SLC6A17: variants seen among roughly 807,000 people sequenced by gnomAD.
SLC6A17 encodes solute carrier family 6 member 17.
Under a neutral mutation model 64.5 loss-of-function variants are expected in SLC6A17, and 21 were observed. That is an observed-to-expected ratio of 0.33 (90% confidence interval 0.23 to 0.47). The LOEUF is 0.47. SLC6A17 is among the 20% of genes least tolerant of loss of function. The probability of loss-of-function intolerance (pLI) is 1.00; values close to 1 mark genes in which losing one functional copy is unlikely to be tolerated. For synonymous variants in SLC6A17, 372 were observed against 399.5 expected (o/e 0.93, Z 0.82); for missense variants, 682 against 963.2 (o/e 0.71, Z 3.86).
chr1:110,201,848 A>G lies in SLC6A17; in HGVS notation c.*3404A>G, dbSNP rs1657137631. 1 of 152,198 alleles carries G rather than the reference A, an allele frequency of 6.6e-6. No homozygotes were observed. Among genetic ancestry groups the G allele is most frequent in the Non-Finnish European group, 1.5e-5 (1 of 68,092 alleles). The allele number at this position is 152,198 out of a possible 1,614,324, so 9.4% of individuals were successfully genotyped here. On this transcript the variant is annotated 3_prime_UTR_variant, in exon 12 of 12. Transcript: ENST00000331565. ...ACTCCCCACTGTGAAAAGAGCTGGA[A>G]ACTAAACTGGTTAGAATGAACCTGG...
chr1:110,192,153 T>C lies in SLC6A17; in HGVS notation c.1046T>C (p.Leu349Pro). ...INFFTSVLAT[L>P]VVFAVLGFKA... ...TTCTTCACGTCAGTGTTGGCCACCC[T>C]CGTGGTGTTTGCTGTGCTGGGCTTC... Residue 349 changes from leucine (L) to proline (P), a missense_variant, in exon 7 of 12, where the codon CTC (leucine) becomes CCC (proline). Around this residue, in one of 3 missense-constraint regions of SLC6A17, gnomAD observed 415 missense variants for 603.8 expected, o/e 0.69. Coordinates refer to ENST00000331565, the MANE Select transcript of SLC6A17 (RefSeq NM_001010898.4). This position sits in a 1 kb window ranked among gnomAD's most constrained non-coding sequence, Gnocchi z 4.3. The C allele has an allele frequency of 6.2e-7, 1 of 1,614,158 alleles. No homozygotes were observed. The highest frequency in any genetic ancestry group is 8.5e-7 in the Non-Finnish European group (1 of 1,180,008).
In SLC6A17 at chr1:110,172,556, T is replaced by C. The variant is rs142607831; in HGVS notation, c.444+339T>C. ...TAGCCCAGATGCCCTTCTCTGCTTA[T>C]CAGTCCCTCAGCTCCCCATGAGGGA... On this transcript the variant is annotated intron_variant, in intron 3 of 11. Coordinates refer to ENST00000331565, the MANE Select transcript of SLC6A17 (RefSeq NM_001010898.4). 708 of 209,088 alleles carry C rather than the reference T, an allele frequency of 3.4e-3. 8 individuals carry two copies. Among genetic ancestry groups the C allele is most frequent in the African/African-American group, 0.015 (640 of 43,202 alleles). The allele number at this position is 209,088 out of a possible 1,614,324, so 13.0% of individuals were successfully genotyped here. A position where few individuals can be genotyped will look rare whatever the true frequency, so the allele number is the denominator to read the frequency against.
chr1:110,150,971 T>A (rs972006912), intron 1 of SLC6A17, 88 bp downstream of exon 1: 1 of 152,138 alleles, frequency 6.6e-6, no homozygotes, highest in Non-Finnish European at 1.5e-5. Context: ...CAGGGAGGGC[T>A]GAGGACCAAG....
intron 6 of SLC6A17, among the ~76,000 whole-genome samples, chr1:110,189,818 A>T (rs1656780103): frequency 6.6e-6 from 1 of 152,130 alleles, no homozygotes; most frequent in Non-Finnish European, 1.5e-5. Context: ...CGCTTTCATC[A>T]GCTTTCAAAT....
rs1656848390 is a variant in SLC6A17 at position 110,192,314 on chromosome 1, TCCA to T, written c.1106+103_1106+105del. On this transcript the variant is annotated intron_variant, in intron 7 of 11. Transcript: ENST00000331565. The surrounding 1 kb of genome is among the most constrained non-coding windows in gnomAD (Gnocchi z 4.3). ...GGTGTGCATGGGGAGAGAGGTCCCCTCCACTCAGACTGAGGAATGGAGATCAGA... is the reference window on the plus strand; with the variant it reads ...GGTGTGCATGGGGAGAGAGGTCCCCTCTCAGACTGAGGAATGGAGATCAGA... The T allele has an allele frequency of 2.5e-5, 38 of 1,511,604 alleles. No homozygotes were observed. Among genetic ancestry groups the T allele is most frequent in the Middle Eastern group, 2.1e-4 (1 of 4,814 alleles). 93.6% of individuals were successfully genotyped at this position (1,511,604 alleles called of 1,614,324 possible).
rs1657128809 is a variant in SLC6A17 at position 110,201,596 on chromosome 1, A to G, written c.*3152A>G. On this transcript the variant is annotated 3_prime_UTR_variant, in exon 12 of 12. Transcript: ENST00000331565. ...GGGGGCTGAACAGGTAGGGCACATC[A>G]GTTAATGCCAGTGAGGTCAGCTTCT... 1 of 152,208 alleles carries G rather than the reference A, an allele frequency of 6.6e-6. No homozygotes were observed. The highest frequency in any genetic ancestry group is 1.5e-5 in the Non-Finnish European group (1 of 68,042). 9.4% of individuals were successfully genotyped at this position (152,208 alleles called of 1,614,324 possible).
At chr1:110,155,810 C>G (rs906912121) in intron 1 of SLC6A17, among the ~76,000 whole-genome samples, 1 of 152,328 alleles carries the variant, frequency 6.6e-6, no homozygotes, top group South Asian at 2.1e-4. Context: ...TTCACTGGTC[C>G]ACACCCCAAA....
chr1:110,196,316 GACTC>G (rs1301420902), intron 10 of SLC6A17, among the ~76,000 whole-genome samples: 3 of 152,290 alleles, frequency 2.0e-5, no homozygotes, highest in South Asian at 4.1e-4. Flanking sequence ...AGGTCTCTCT[GACTC>G]ACTCAGCATC....
chr1:110,177,574 T>G (rs983137719), intron 6 of SLC6A17: 2 of 152,294 alleles, frequency 1.3e-5, no homozygotes, highest in African/African-American at 4.8e-5. Flanking sequence ...CCCCAAGCCC[T>G]GTACATCAGA....
chr1:110,151,306 A>T (rs895126577), intron 1 of SLC6A17, among the ~76,000 whole-genome samples: 1 of 151,796 alleles, frequency 6.6e-6, no homozygotes, highest in Non-Finnish European at 1.5e-5. Flanking sequence ...GCAGCTGGAG[A>T]CCCCAGCCCC....
At chr1:110,181,715 G>A (rs1656528958) in intron 6 of SLC6A17, among the ~76,000 whole-genome samples, 1 of 152,246 alleles carries the variant, frequency 6.6e-6, no homozygotes, top group Non-Finnish European at 1.5e-5. Flanking sequence ...TATGAATGAA[G>A]ACCTGAAGGA....
chr1:110,173,886 T>A, intron 3 of SLC6A17, 87 bp from the exon 4 acceptor site: 2 of 1,545,404 alleles, frequency 1.3e-6, no homozygotes, highest in Non-Finnish European at 1.7e-6. Context: ...TTTATGGCGC[T>A]GCCGACGTGC....
At chr1:110,172,740 G>T (rs1656274367) in intron 3 of SLC6A17, among the ~76,000 whole-genome samples, 1 of 152,226 alleles carries the variant, frequency 6.6e-6, no homozygotes, top group African/African-American at 2.4e-5. Flanking sequence ...CCCAAGGTGG[G>T]TGAGGCTTTG....
chr1:110,196,394 C>A (rs942660358), intron 10 of SLC6A17, among the ~76,000 whole-genome samples: 4 of 152,196 alleles, frequency 2.6e-5, no homozygotes, highest in East Asian at 3.8e-4. Flanking sequence ...TTGGTCTGAC[C>A]CTCCCTGATG....
At chr1:110,153,805 A>G (rs890161314) in intron 1 of SLC6A17, among the ~76,000 whole-genome samples, 14 of 152,192 alleles carry the variant, frequency 9.2e-5, no homozygotes, top group Non-Finnish European at 1.5e-5. Flanking sequence ...CTTTTTTGCT[A>G]GAACTAGCTC....
rs1002624135 is a variant in SLC6A17 at position 110,192,773 on chromosome 1, C to T, written c.1299+75C>T. On this transcript the variant is annotated intron_variant, in intron 8 of 11. Coordinates refer to ENST00000331565, the MANE Select transcript of SLC6A17 (RefSeq NM_001010898.4). This position sits in a 1 kb window ranked among gnomAD's most constrained non-coding sequence, Gnocchi z 4.3. Reference sequence around the variant, plus strand: ...GCTGTGGCCGGCGGGAGCTTGGGCTCAGGCCTCAGGATGCTGACAGGTAGT... The same window carrying T: ...GCTGTGGCCGGCGGGAGCTTGGGCTTAGGCCTCAGGATGCTGACAGGTAGT... The T allele has an allele frequency of 6.8e-6, 10 of 1,476,706 alleles. No individual in the cohort carries two copies. In the East Asian group the frequency reaches 1.6e-4, roughly 24 times the overall value. The allele number at this position is 1,476,706 out of a possible 1,614,324, so 91.5% of individuals were successfully genotyped here. A position where few individuals can be genotyped will look rare whatever the true frequency, so the allele number is the denominator to read the frequency against.
rs1349107375 is a variant in SLC6A17 at position 110,174,096 on chromosome 1, G to T, written c.568G>T (p.Ala190Ser). 1 of 1,613,882 alleles carries T rather than the reference G, an allele frequency of 6.2e-7. No individual in the cohort carries two copies. The highest frequency in any genetic ancestry group is 1.3e-5 in the African/African-American group (1 of 74,938). Residue 190 changes from alanine to serine, a missense_variant, in exon 4 of 12, where the codon GCA becomes TCA. Ala to Ser is a moderately conservative substitution (Grantham distance 99, BLOSUM62 1). This residue lies in a region of SLC6A17 where 415 missense variants were observed against 603.8 expected (regional missense o/e 0.69). Transcript: ENST00000331565. ...ECPVVRNGSV[A>S]VVEAECEKSS... ...TCCTGTCGTCAGGAATGGGAGCGTG[G>T]CAGGCAAGTATGGGGCCCAGCTGGG...
At chr1:110,159,486 A>C (rs1428289718) in intron 1 of SLC6A17, among the ~76,000 whole-genome samples, 3 of 152,214 alleles carry the variant, frequency 2.0e-5, no homozygotes, top group Non-Finnish European at 4.4e-5. Context: ...GAACAGACTC[A>C]GCAAATGCAA....
chr1:110,189,454 C>T (rs562666375), intron 6 of SLC6A17, among the ~76,000 whole-genome samples: 1 of 152,342 alleles, frequency 6.6e-6, no homozygotes, highest in African/African-American at 2.4e-5. Context: ...TTGGCACCAC[C>T]CAGCCCCTTA....
Sources: allele counts gnomAD v4.1 joint callset (sites outside exome capture counted in the v4.1 genomes callset), GRCh38; gene constraint gnomAD v4.1.1; regional missense constraint gnomAD v4.1.1; non-coding constraint Gnocchi (gnomAD v3.1); transcripts MANE v1.5; gene names NCBI Gene and HGNC (gene_info 2026-07-23, HGNC 2026-07-21).